Variants in LYPD6B observed in about 807,000 individuals in gnomAD.
The protein encoded by LYPD6B is ly6/PLAUR domain-containing protein 6B.
A neutral mutation model predicts 22.8 loss-of-function variants in LYPD6B; 17 were observed. The ratio of observed to expected loss-of-function variants is 0.75; its 90% CI spans 0.51 to 1.12. The LOEUF (loss-of-function observed/expected upper bound fraction) is 1.12. LYPD6B is among the 50% of genes most tolerant of loss of function. The pLI, the probability that LYPD6B is intolerant of heterozygous loss-of-function variation, is 0.00. For missense variants in LYPD6B, 221 were observed against 258.3 expected (o/e 0.86, Z 0.99); for synonymous variants, 106 against 91.6 (o/e 1.16, Z -0.90).
At chr2:149,157,152 T>A (rs1689756661) in intron 2 of LYPD6B, among the ~76,000 whole-genome samples, 1 of 152,180 alleles carries the variant, frequency 6.6e-6, no homozygotes, top group African/African-American at 2.4e-5. Flanking sequence ...TAGCTTGAGA[T>A]CCTTTGTATT....
chr2:149,187,096 T>G (rs1186595908), intron 3 of LYPD6B, among the ~76,000 whole-genome samples: 1 of 152,202 alleles, frequency 6.6e-6, no homozygotes, highest in Non-Finnish European at 1.5e-5. Flanking sequence ...GACTCCAGTA[T>G]AGTGTAAACA....
chr2:149,109,397 G>A (rs1303138181), intron 1 of LYPD6B, among the ~76,000 whole-genome samples: 3 of 151,902 alleles, frequency 2.0e-5, no homozygotes, highest in African/African-American at 7.3e-5. Context: ...CCTGATCTTT[G>A]TTCCTCTGTG....
At position 149,120,383 on chromosome 2, in the gene LYPD6B, A is replaced by ATATTT. The variant is rs1327065975; in HGVS notation, c.-66-10499_-66-10498insATTTT. ...TGTGTATATATATATATATATATAT[A>ATATTT]TTTTTTTTTTTTTTTTTTTGAGATG... On this transcript the variant is annotated intron_variant, in intron 1 of 6. Coordinates refer to ENST00000409642, the MANE Select transcript of LYPD6B (RefSeq NM_177964.5). Among the ~76,000 whole-genome samples the ATATTT allele has an allele frequency of 2.9e-4, 14 of 48,612 alleles. 1 individual carries two copies. Among genetic ancestry groups the ATATTT allele is most frequent in the East Asian group, 3.1e-3 (2 of 650 alleles). The allele number at this position is 48,612 out of a possible 152,430, so 31.9% of individuals were successfully genotyped here.
chr2:149,091,958 C>G (rs181797435), intron 1 of LYPD6B, among the ~76,000 whole-genome samples: 1 of 147,280 alleles, frequency 6.8e-6, no homozygotes, highest in African/African-American at 2.5e-5. Flanking sequence ...GGAATCTGGG[C>G]TGCTGGTGAT....
At chr2:149,159,929 T>C (rs966798716) in intron 2 of LYPD6B, among the ~76,000 whole-genome samples, 1 of 152,142 alleles carries the variant, frequency 6.6e-6, no homozygotes, top group African/African-American at 2.4e-5. Flanking sequence ...AATACCTTCT[T>C]GGCATGGACT....
chr2:149,042,380 G>A (rs556381404), intron 1 of LYPD6B, among the ~76,000 whole-genome samples: 1 of 152,308 alleles, frequency 6.6e-6, no homozygotes, highest in Non-Finnish European at 1.5e-5. Flanking sequence ...GGGCAACCAA[G>A]GATGCCGCTT....
In LYPD6B at chr2:149,213,069, A is replaced by C. The variant is rs1405756234; in HGVS notation, c.406A>C (p.Arg136=). ...STSITKKCAS[R]SECHFVGCHH... is the part of the protein sequence containing the mutation. ...ATCCATCACCAAAAAGTGTGCCTCC[A>C]GAAGTGAATGTCATTTTGTCGGTTG... The change falls in exon 6 of 7, where the codon AGA becomes CGA. Residue 136 remains arginine (R), a synonymous_variant. Coordinates refer to ENST00000409642, the MANE Select transcript of LYPD6B (RefSeq NM_177964.5). 93 of 1,614,018 alleles carry C rather than the reference A, an allele frequency of 5.8e-5. No homozygotes were observed. Among genetic ancestry groups the C allele is most frequent in the Non-Finnish European group, 7.7e-5 (91 of 1,179,870 alleles).
chr2:149,151,279 C>G (rs778412961), intron 2 of LYPD6B, among the ~76,000 whole-genome samples: 18 of 151,980 alleles, frequency 1.2e-4, no homozygotes, highest in Admixed American at 7.9e-4. Flanking sequence ...AGGAGGGAGG[C>G]CGGGTGTGAA....
chr2:149,155,170 G>T (rs1006086147), intron 2 of LYPD6B, among the ~76,000 whole-genome samples: 5 of 152,158 alleles, frequency 3.3e-5, no homozygotes, highest in Non-Finnish European at 5.9e-5. Flanking sequence ...GAACTTACAG[G>T]CTGAGAAATC....
intron 1 of LYPD6B, among the ~76,000 whole-genome samples, chr2:149,109,721 TA>T (rs1686665670): frequency 6.6e-6 from 1 of 152,164 alleles, no homozygotes; most frequent in African/African-American, 2.4e-5. Context: ...ATTTATTATT[TA>T]TTTTTTTGAG....
chr2:149,056,731 G>T (rs565178978), intron 1 of LYPD6B, among the ~76,000 whole-genome samples: 17 of 152,164 alleles, frequency 1.1e-4, no homozygotes, highest in Middle Eastern at 3.4e-3. Flanking sequence ...TCCATTTGTT[G>T]TGTCTGGTTT....
chr2:149,150,072 C>G (rs1431255303), intron 2 of LYPD6B, among the ~76,000 whole-genome samples: 2 of 152,186 alleles, frequency 1.3e-5, no homozygotes, highest in African/African-American at 4.8e-5. Flanking sequence ...CCACTGCTTA[C>G]CCAACATGTA....
At chr2:149,053,668 C>T (rs775965568) in intron 1 of LYPD6B, among the ~76,000 whole-genome samples, 4 of 152,186 alleles carry the variant, frequency 2.6e-5, no homozygotes, top group Non-Finnish European at 5.9e-5. Context: ...CAACCATCAT[C>T]ACTACCTAAT....
At chr2:149,098,739 C>T (rs189396630) in intron 1 of LYPD6B, among the ~76,000 whole-genome samples, 29 of 148,312 alleles carry the variant, frequency 2.0e-4, no homozygotes, top group Non-Finnish European at 3.9e-4. Context: ...TATGTATCTA[C>T]TTACGTATAT....
intron 2 of LYPD6B, among the ~76,000 whole-genome samples, chr2:149,132,899 T>A (rs998627735): frequency 1.3e-5 from 2 of 152,168 alleles, no homozygotes; most frequent in South Asian, 2.1e-4. Context: ...TATTTAAAAA[T>A]TTTTTTCTAT....
rs59540369 is a variant in LYPD6B at position 149,092,272 on chromosome 2, G to A, written c.-66-38611G>A. Among the ~76,000 whole-genome samples, 609 of 151,946 alleles carry A rather than the reference G, an allele frequency of 4.0e-3. 8 individuals carry two copies. The highest frequency in any genetic ancestry group is 0.014 in the African/African-American group (581 of 41,420). ...AGACGATGGAAGAGCTGGAGGGGAA[G>A]TGGAAGTCTCAGCATTGAGGATGTA... On this transcript the variant is annotated intron_variant, in intron 1 of 6. Coordinates refer to ENST00000409642, the MANE Select transcript of LYPD6B (RefSeq NM_177964.5).
At chr2:149,211,314 A>T (rs1032753782) in intron 5 of LYPD6B, among the ~76,000 whole-genome samples, 2 of 152,128 alleles carry the variant, frequency 1.3e-5, no homozygotes, top group African/African-American at 2.4e-5. Context: ...GTTTAATATT[A>T]AGTATACTGA....
rs145833403 is a variant in LYPD6B at position 149,134,451 on chromosome 2, C to T, written c.5+3498C>T. Among the ~76,000 whole-genome samples the T allele has an allele frequency of 5.1e-4, 78 of 152,280 alleles. 1 individual carries two copies. In the South Asian group the frequency reaches 7.9e-3, roughly 15 times the overall value. Reference sequence around the variant, plus strand: ...GACTCCAGCCTACTAAACTCTTTATCGCTTCTAAGGTATCTGTAGGCCTGG... The same window carrying T: ...GACTCCAGCCTACTAAACTCTTTATTGCTTCTAAGGTATCTGTAGGCCTGG... On this transcript the variant is annotated intron_variant, in intron 2 of 6. Transcript: ENST00000409642.
intron 1 of LYPD6B, among the ~76,000 whole-genome samples, chr2:149,069,351 G>A (rs1684490634): frequency 6.6e-6 from 1 of 151,946 alleles, no homozygotes; most frequent in Admixed American, 6.6e-5. Context: ...TTTTGCCTTG[G>A]CGACATAGAC....
Sources: allele counts gnomAD v4.1 joint callset (sites outside exome capture counted in the v4.1 genomes callset), GRCh38; gene constraint gnomAD v4.1.1; transcripts MANE v1.5; gene names NCBI Gene and HGNC (gene_info 2026-07-23, HGNC 2026-07-21).